Variants in POLR1F observed in about 807,000 individuals in gnomAD.
POLR1F encodes DNA-directed RNA polymerase I subunit RPA43.
In POLR1F, 23 loss-of-function variants were observed where a neutral mutation model predicts 21.8. The ratio of observed to expected loss-of-function variants is 1.05; its 90% CI spans 0.76 to 1.49. POLR1F has a LOEUF of 1.49. Ranked by LOEUF, POLR1F falls within the 40% of genes most tolerant of loss-of-function variation. The probability of loss-of-function intolerance (pLI) is 0.00; values close to 1 mark genes in which losing one functional copy is unlikely to be tolerated. For missense variants in POLR1F, 435 were observed against 412.1 expected (o/e 1.06, Z -0.48); for synonymous variants, 162 against 152.8 (o/e 1.06, Z -0.45).
intron 2 of POLR1F, among the ~76,000 whole-genome samples, chr7:19,700,729 G>A (rs191293373): frequency 2.0e-5 from 3 of 152,066 alleles, no homozygotes; most frequent in East Asian, 1.9e-4. Flanking sequence ...TCCATGTTAC[G>A]TTTCTGTAAA....
At position 19,697,403 on chromosome 7, in the gene POLR1F, T is replaced by G. The variant is rs3735616; in HGVS notation, c.*913A>C. 1 of 152,100 alleles carries G rather than the reference T, an allele frequency of 6.6e-6. No homozygotes were observed. Among genetic ancestry groups the G allele is most frequent in the South Asian group, 2.1e-4 (1 of 4,834 alleles). 9.4% of individuals were successfully genotyped at this position (152,100 alleles called of 1,614,324 possible). On this transcript the variant is annotated 3_prime_UTR_variant, in exon 4 of 4. Coordinates refer to ENST00000222567, the MANE Select transcript of POLR1F (RefSeq NM_001002926.2). ...ATATGGCCATGCATTGATTACCAGCTTCAACCAGCTTGTCATTTCATTACA... is the reference window on the plus strand; with the variant it reads ...ATATGGCCATGCATTGATTACCAGCGTCAACCAGCTTGTCATTTCATTACA...
At position 19,704,936 on chromosome 7, in the gene POLR1F, G is replaced by A; in HGVS notation, c.255-16C>T. 1 of 1,549,376 alleles carries A rather than the reference G, an allele frequency of 6.5e-7. No homozygotes were observed. Among genetic ancestry groups the A allele is most frequent in the East Asian group, 2.4e-5 (1 of 42,212 alleles). The stretch of plus-strand genomic sequence containing the variant: ...ACCTAAAAGGCTGTAAAAAGAAAAA[G>A]TTGAAAATGATACCTTTTATCGTCT... On this transcript the variant is annotated splice_polypyrimidine_tract_variant and intron_variant, in intron 1 of 3. Coordinates refer to ENST00000222567, the MANE Select transcript of POLR1F (RefSeq NM_001002926.2).
intron 1 of POLR1F, 147 bp downstream of exon 1, chr7:19,708,616 G>T: frequency 9.2e-7 from 1 of 1,089,140 alleles, no homozygotes; most frequent in Non-Finnish European, 1.3e-6. Context: ...GGCCTTGAGG[G>T]ACGGATCGCG....
At chr7:19,699,881 T>G (rs1353757035) in intron 3 of POLR1F, among the ~76,000 whole-genome samples, 191 bp downstream of exon 3, 3 of 152,176 alleles carry the variant, frequency 2.0e-5, no homozygotes, top group African/African-American at 7.2e-5. Flanking sequence ...GAATATTTAT[T>G]TGATGCACTG....
At chr7:19,703,219 T>A (rs1583402170) in intron 2 of POLR1F, among the ~76,000 whole-genome samples, 1 of 152,284 alleles carries the variant, frequency 6.6e-6, no homozygotes, top group East Asian at 1.9e-4. Context: ...ATTTTAAGAA[T>A]GTATAATGAA....
At chr7:19,708,729 G>T (rs768990830) in intron 1 of POLR1F, 34 bp downstream of exon 1, 1 of 1,584,222 alleles carries the variant, frequency 6.3e-7, no homozygotes, top group South Asian at 1.1e-5. Flanking sequence ...TACTTCCCGT[G>T]CACAAAAGAA....
intron 1 of POLR1F, among the ~76,000 whole-genome samples, chr7:19,706,385 C>T (rs755140625): frequency 5.9e-5 from 9 of 152,088 alleles, no homozygotes; most frequent in Middle Eastern, 3.2e-3. Flanking sequence ...ACTTTATTTC[C>T]GCTAATCAAA....
chr7:19,704,861 A>G lies in POLR1F; in HGVS notation c.314T>C (p.Ile105Thr), dbSNP rs1397983907. 1.2e-6 allele frequency: 2 copies of G among 1,608,622 alleles called. No homozygotes were observed. Among genetic ancestry groups the G allele is most frequent in the East Asian group, 2.2e-5 (1 of 44,632 alleles). ...NIKVVGELGDIYDDQGHIHLN... is the reference protein window; with the variant it reads ...NIKVVGELGDTYDDQGHIHLN... ...ATGAATGTGTCCTTGATCATCATAA[A>G]TATCTCCAAGCTCTCCCACAACTTT... Residue 105 changes from isoleucine to threonine, a missense_variant, in exon 2 of 4, where the codon ATT becomes ACT. Coordinates refer to ENST00000222567, the MANE Select transcript of POLR1F (RefSeq NM_001002926.2).
intron 2 of POLR1F, among the ~76,000 whole-genome samples, chr7:19,701,063 T>C (rs1783440513): frequency 6.6e-6 from 1 of 152,224 alleles, no homozygotes; most frequent in South Asian, 2.1e-4. Flanking sequence ...TATACAATGC[T>C]GTTTAACATC....
At position 19,695,813 on chromosome 7, in the gene POLR1F, G is replaced by A. The variant is rs1474492827; in HGVS notation, c.*2503C>T. ...AGTCCTCTGTCAGGTTCTCCACCTGGAATGCCACAGCTAGTTTTTCTTCTC... is the reference window on the plus strand; with the variant it reads ...AGTCCTCTGTCAGGTTCTCCACCTGAAATGCCACAGCTAGTTTTTCTTCTC... On this transcript the variant is annotated 3_prime_UTR_variant, in exon 4 of 4. Transcript: ENST00000222567. 6.6e-6 allele frequency: 1 copy of A among 152,118 alleles called. No individual in the cohort carries two copies. The highest frequency in any genetic ancestry group is 1.5e-5 in the Non-Finnish European group (1 of 67,978). The allele number at this position is 152,118 out of a possible 1,614,324, so 9.4% of individuals were successfully genotyped here. A position where few individuals can be genotyped will look rare whatever the true frequency, so the allele number is the denominator to read the frequency against.
chr7:19,700,987 A>G (rs1258074008), intron 2 of POLR1F, among the ~76,000 whole-genome samples: 1 of 152,242 alleles, frequency 6.6e-6, no homozygotes, highest in Non-Finnish European at 1.5e-5. Context: ...AAGCATATAA[A>G]TGAGACTCAG....
In POLR1F at chr7:19,697,375, T is replaced by C. The variant is rs990891825; in HGVS notation, c.*941A>G. 1.3e-5 allele frequency: 2 copies of C among 152,130 alleles called. No individual in the cohort carries two copies. The highest frequency in any genetic ancestry group is 2.9e-5 in the Non-Finnish European group (2 of 67,984). The allele number at this position is 152,130 out of a possible 1,614,324, so 9.4% of individuals were successfully genotyped here. Reference sequence around the variant, plus strand: ...GATGGTCAAGTGTGTGGAAAATGAATAAATATGGCCATGCATTGATTACCA... The same window carrying C: ...GATGGTCAAGTGTGTGGAAAATGAACAAATATGGCCATGCATTGATTACCA... On this transcript the variant is annotated 3_prime_UTR_variant, in exon 4 of 4. Coordinates refer to ENST00000222567, the MANE Select transcript of POLR1F (RefSeq NM_001002926.2).
chr7:19,700,962 G>C (rs1783439661), intron 2 of POLR1F, among the ~76,000 whole-genome samples: 1 of 152,096 alleles, frequency 6.6e-6, no homozygotes, highest in African/African-American at 2.4e-5. Context: ...TTTCTTCTCA[G>C]GGTCAATATA....
intron 1 of POLR1F, chr7:19,705,521 G>C (rs181008189): frequency 6.6e-6 from 1 of 152,440 alleles, no homozygotes; most frequent in Non-Finnish European, 1.5e-5. Context: ...AGTACTTGAC[G>C]GCGTATAACA....
rs551406732 is a variant in POLR1F at position 19,696,157 on chromosome 7, GA to G, written c.*2158del. The G allele has an allele frequency of 3.3e-5, 5 of 152,112 alleles. No homozygotes were observed. The South Asian group carries it at 1.0e-3, about 32-fold the overall frequency. 9.4% of individuals were successfully genotyped at this position (152,112 alleles called of 1,614,324 possible). A position where few individuals can be genotyped will look rare whatever the true frequency, so the allele number is the denominator to read the frequency against. On this transcript the variant is annotated 3_prime_UTR_variant, in exon 4 of 4. Transcript: ENST00000222567. ...TGCAGCATGTGCCAAATGTTTTGAA[GA>G]ATACATAGTGGACACCATCATCAGT... is the stretch of plus-strand genomic sequence containing the variant.
intron 2 of POLR1F, among the ~76,000 whole-genome samples, chr7:19,701,444 GTATCATAC>G (rs1270127472): frequency 6.6e-6 from 1 of 152,124 alleles, no homozygotes; most frequent in Non-Finnish European, 1.5e-5. Flanking sequence ...TAACTATTCC[GTATCATAC>G]TATAATGGAA....
Position 19,697,801 on chromosome 7 carries a change from T to C in POLR1F, c.*515A>G, listed in dbSNP as rs573522350. 1 of 152,414 alleles carries C rather than the reference T, an allele frequency of 6.6e-6. No homozygotes were observed. The highest frequency in any genetic ancestry group is 1.9e-4 in the East Asian group (1 of 5,200). 9.4% of individuals were successfully genotyped at this position (152,414 alleles called of 1,614,324 possible). Reference sequence around the variant, plus strand: ...AGCTGTGAAGACTTCAGAAACTTCTTTGGCAAACTATTTTATGTTAAACAA... The same window carrying C: ...AGCTGTGAAGACTTCAGAAACTTCTCTGGCAAACTATTTTATGTTAAACAA... On this transcript the variant is annotated 3_prime_UTR_variant, in exon 4 of 4. Transcript: ENST00000222567.
In POLR1F at chr7:19,698,633, C is replaced by A. The variant is rs1562595054; in HGVS notation, c.700G>T (p.Asp234Tyr). Reference protein sequence around the residue: ...KKPKKKKKKKDPETYEVDSGT... With the variant: ...KKPKKKKKKKYPETYEVDSGT... ...CTGTCCACTTCATATGTCTCTGGGT[C>A]TTTCTTCTTTTTCTTCTTTTTAGGT... The change falls in exon 4 of 4, where the codon GAC (aspartate) becomes TAC (tyrosine). Residue 234 changes from aspartate to tyrosine, a missense_variant. Transcript: ENST00000222567. The A allele has an allele frequency of 6.2e-7, 1 of 1,600,196 alleles. No homozygotes were observed. Among genetic ancestry groups the A allele is most frequent in the Non-Finnish European group, 8.5e-7 (1 of 1,176,760 alleles).
At chr7:19,700,044 A>G in intron 3 of POLR1F, 28 bp downstream of exon 3, 8 of 1,534,216 alleles carry the variant, frequency 5.2e-6, no homozygotes, top group Non-Finnish European at 7.2e-6. Context: ...TTAAGTACCT[A>G]GTGATAATTA....
Sources: gnomAD v4.1 joint callset for allele counts (sites outside exome capture counted in the v4.1 genomes callset) on GRCh38, gnomAD v4.1.1 for gene constraint, MANE v1.5 for transcripts, NCBI Gene and HGNC (gene_info 2026-07-23, HGNC 2026-07-21) for gene names.